Variants in RPS6KA5 observed in about 807,000 individuals in gnomAD.
The protein encoded by RPS6KA5 is ribosomal protein S6 kinase alpha-5.
RPS6KA5 carries 27 observed loss-of-function variants against 85.5 expected under a neutral mutation model. That is an observed-to-expected ratio of 0.32 (90% CI 0.23 to 0.44). The LOEUF (loss-of-function observed/expected upper bound fraction) is 0.44. Among genes scored for constraint, RPS6KA5 ranks in the 20% least tolerant of loss-of-function variants. RPS6KA5 has a pLI of 1.00. For missense variants in RPS6KA5, 811 were observed against 980.9 expected (o/e 0.83, Z 2.31); for synonymous variants, 334 against 348.2 (o/e 0.96, Z 0.46).
At chr14:90,911,329 C>T (rs962722058) in intron 7 of RPS6KA5, 4 of 152,194 alleles carry the variant, frequency 2.6e-5, no homozygotes, top group African/African-American at 7.2e-5. Flanking sequence ...ACCTTTCTTC[C>T]TCACAGTTTC....
intron 3 of RPS6KA5, among the ~76,000 whole-genome samples, chr14:90,958,866 A>T (rs2140412442): frequency 6.6e-6 from 1 of 152,266 alleles, no homozygotes; most frequent in East Asian, 1.9e-4. Context: ...AGTAGCATAG[A>T]TACAAAGGTC....
chr14:90,978,744 C>G (rs767311796), intron 2 of RPS6KA5, among the ~76,000 whole-genome samples: 1 of 152,132 alleles, frequency 6.6e-6, no homozygotes, highest in Non-Finnish European at 1.5e-5. Flanking sequence ...CCACTGATGA[C>G]AAAATTATGC....
chr14:90,893,314 C>A (rs2034661319), intron 13 of RPS6KA5, among the ~76,000 whole-genome samples: 1 of 152,056 alleles, frequency 6.6e-6, no homozygotes, highest in Non-Finnish European at 1.5e-5. Context: ...ATCATAGTTG[C>A]AAGTTAATAA....
intron 14 of RPS6KA5, among the ~76,000 whole-genome samples, chr14:90,882,900 C>T (rs796896216): frequency 2.5e-4 from 38 of 152,054 alleles, no homozygotes; most frequent in South Asian, 8.3e-4. Flanking sequence ...CAAGTTCAAA[C>T]GATTCTCCTG....
intron 7 of RPS6KA5, among the ~76,000 whole-genome samples, chr14:90,919,564 C>T (rs1261380473): frequency 6.6e-6 from 1 of 151,992 alleles, no homozygotes; most frequent in Admixed American, 6.6e-5. Context: ...GTTCATTAAC[C>T]CATTTTATCC....
intron 7 of RPS6KA5, 47 bp downstream of exon 7, chr14:90,920,159 G>T: frequency 1.7e-6 from 2 of 1,185,106 alleles, no homozygotes; most frequent in Non-Finnish European, 2.5e-6. Context: ...AATGTGATCA[G>T]TTCCTTTGAG....
chr14:90,877,798 A>T (rs2033575621), intron 14 of RPS6KA5, among the ~76,000 whole-genome samples: 1 of 152,220 alleles, frequency 6.6e-6, no homozygotes, highest in Admixed American at 6.5e-5. Context: ...GCTGCAAACA[A>T]CTGCTTTGTC....
intron 9 of RPS6KA5, among the ~76,000 whole-genome samples, chr14:90,901,616 A>T (rs908361435): frequency 1.3e-5 from 2 of 152,170 alleles, no homozygotes; most frequent in African/African-American, 4.8e-5. Context: ...ACAAACATTT[A>T]AAAAAATGTT....
At chr14:90,997,228 A>T (rs1332341549) in intron 2 of RPS6KA5, among the ~76,000 whole-genome samples, 1 of 152,194 alleles carries the variant, frequency 6.6e-6, no homozygotes, top group Non-Finnish European at 1.5e-5. Flanking sequence ...CACTTCAAAG[A>T]TTACTTTAAA....
intron 5 of RPS6KA5, among the ~76,000 whole-genome samples, chr14:90,927,052 G>T (rs958407): frequency 0.64 from 97,225 of 151,904 alleles, 32,541 homozygotes; most frequent in East Asian, 0.87. Context: ...AACTGAAGTT[G>T]AAGCATTCTA....
chr14:90,917,539 C>T (rs1450961902), intron 7 of RPS6KA5, among the ~76,000 whole-genome samples: 4 of 152,146 alleles, frequency 2.6e-5, no homozygotes, highest in Admixed American at 6.5e-5. Flanking sequence ...AGTTTTCCTA[C>T]GTACTGTAAT....
intron 2 of RPS6KA5, among the ~76,000 whole-genome samples, chr14:90,982,934 A>C (rs1740316760): frequency 6.6e-6 from 1 of 152,182 alleles, no homozygotes; most frequent in South Asian, 2.1e-4. Context: ...TAACACAGTG[A>C]AACCCCATCT....
Position 90,873,616 on chromosome 14 carries a change from G to C in RPS6KA5, c.2160+16C>G. 1 of 1,608,520 alleles carries C rather than the reference G, an allele frequency of 6.2e-7. No homozygotes were observed. The highest frequency in any genetic ancestry group is 1.3e-5 in the African/African-American group (1 of 74,946). On this transcript the variant is annotated intron_variant, in intron 16 of 16. Coordinates refer to ENST00000614987, the MANE Select transcript of RPS6KA5 (RefSeq NM_004755.4). The stretch of plus-strand genomic sequence containing the variant: ...CTACTCAAACCGCCCAACATGTACA[G>C]AGCACAGGGCCTTACGTGGAAGGTT...
rs1332442406 is a variant in RPS6KA5 at position 90,852,710 on chromosome 14, C to T, written c.*19364G>A. The T allele has an allele frequency of 6.7e-6, 1 of 149,156 alleles. No individual in the cohort carries two copies. Among genetic ancestry groups the T allele is most frequent in the Non-Finnish European group, 1.5e-5 (1 of 67,732 alleles). 9.2% of individuals were successfully genotyped at this position (149,156 alleles called of 1,614,324 possible). On this transcript the variant is annotated 3_prime_UTR_variant, in exon 17 of 17. Coordinates refer to ENST00000614987, the MANE Select transcript of RPS6KA5 (RefSeq NM_004755.4). ...TTAAACAAAAATAAATTCCAGTTAG[C>T]CTTTGCTGGGAGAAACTTTTTTTTT...
At chr14:90,884,054 A>C (rs1595120296) in intron 14 of RPS6KA5, among the ~76,000 whole-genome samples, 1 of 152,194 alleles carries the variant, frequency 6.6e-6, no homozygotes, top group East Asian at 1.9e-4. Context: ...GAGGAGGAGG[A>C]GGGGCTTGCA....
intron 14 of RPS6KA5, among the ~76,000 whole-genome samples, chr14:90,889,317 A>T (rs901611566): frequency 1.4e-5 from 2 of 146,440 alleles, no homozygotes; most frequent in African/African-American, 2.5e-5. Context: ...AAAAAAAAAA[A>T]GAGTAATTCA....
intron 3 of RPS6KA5, among the ~76,000 whole-genome samples, chr14:90,972,451 A>C (rs2039367917): frequency 6.6e-6 from 1 of 152,170 alleles, no homozygotes; most frequent in Admixed American, 6.5e-5. Context: ...AATCAAATAG[A>C]CCCAAACATA....
chr14:90,924,215 C>T (rs2036547449), intron 5 of RPS6KA5, among the ~76,000 whole-genome samples: 1 of 151,952 alleles, frequency 6.6e-6, no homozygotes, highest in Non-Finnish European at 1.5e-5. Flanking sequence ...TATTTTAAAC[C>T]CTTGCCATCT....
In RPS6KA5 at chr14:90,850,077, G is replaced by A. The variant is rs1430395571; in HGVS notation, c.*21997C>T. 1 of 152,212 alleles carries A rather than the reference G, an allele frequency of 6.6e-6. No individual in the cohort carries two copies. The highest frequency in any genetic ancestry group is 2.4e-5 in the African/African-American group (1 of 41,446). 9.4% of individuals were successfully genotyped at this position (152,212 alleles called of 1,614,324 possible). On this transcript the variant is annotated 3_prime_UTR_variant, in exon 17 of 17. Coordinates refer to ENST00000614987, the MANE Select transcript of RPS6KA5 (RefSeq NM_004755.4). ...ATGTGCCTTAGAAGGAAAGTTTCAG[G>A]ACACTCTGGCACTTTTTTTCTAGTC...
Sources: gnomAD v4.1 joint callset for allele counts (sites outside exome capture counted in the v4.1 genomes callset) on GRCh38, gnomAD v4.1.1 for gene constraint, MANE v1.5 for transcripts, NCBI Gene and HGNC (gene_info 2026-07-23, HGNC 2026-07-21) for gene names.